The following OSBPL5 variants were observed in gnomAD, a reference collection of about 807,000 sequenced individuals.
OSBPL5 encodes the protein oxysterol binding protein like 5.
OSBPL5 carries 71 observed loss-of-function variants against 111.2 expected under a neutral mutation model. The ratio of observed to expected loss-of-function variants is 0.64; its 90% confidence interval spans 0.53 to 0.78. The LOEUF (loss-of-function observed/expected upper bound fraction) is 0.78. Ranked by LOEUF, OSBPL5 falls within the 30% of genes least tolerant of loss-of-function variation. The pLI is 0.00. For synonymous variants in OSBPL5, 549 were observed against 513.9 expected (o/e 1.07, Z -0.93); for missense variants, 1,210 against 1,189.3 (o/e 1.02, Z -0.26).
chr11:3,139,541 T>C (rs1468947385), intron 1 of OSBPL5, among the ~76,000 whole-genome samples: 1 of 152,154 alleles, frequency 6.6e-6, no homozygotes, highest in Non-Finnish European at 1.5e-5. Context: ...AGCAGGGGGC[T>C]TTAATCACCA....
intron 19 of OSBPL5, among the ~76,000 whole-genome samples, chr11:3,091,529 T>C (rs916771705): frequency 1.3e-5 from 2 of 150,148 alleles, no homozygotes; most frequent in African/African-American, 4.9e-5. Context: ...GCATTGGGGG[T>C]GGACATCTGC....
At chr11:3,159,356 G>A (rs893706726) in intron 1 of OSBPL5, among the ~76,000 whole-genome samples, 51 of 152,172 alleles carry the variant, frequency 3.4e-4, no homozygotes, top group Non-Finnish European at 1.5e-4. Flanking sequence ...GGGTAACGAG[G>A]CCTGGTACCT....
chr11:3,124,730 A>G (rs1404599436), intron 3 of OSBPL5, among the ~76,000 whole-genome samples: 2 of 152,080 alleles, frequency 1.3e-5, no homozygotes, highest in Non-Finnish European at 2.9e-5. Flanking sequence ...TGTGGCTTCC[A>G]CCAGGGGAGG....
intron 1 of OSBPL5, 33 bp from the exon 2 acceptor site, chr11:3,129,202 C>A (rs1012193079): frequency 3.7e-6 from 5 of 1,360,780 alleles, no homozygotes; most frequent in Non-Finnish European, 4.8e-6. Context: ...AGCAGGAGGT[C>A]ACCGCCCCGG....
chr11:3,103,888 ATTCCT>A (rs1857601331), intron 10 of OSBPL5, among the ~76,000 whole-genome samples: 1 of 102,940 alleles, frequency 9.7e-6, no homozygotes, highest in Non-Finnish European at 1.9e-5. Context: ...CTGTAGCCCC[ATTCCT>A]GCCTCTGCAG....
intron 1 of OSBPL5, among the ~76,000 whole-genome samples, chr11:3,138,271 T>C (rs1530582): frequency 0.63 from 95,584 of 152,156 alleles, 30,591 homozygotes; most frequent in Non-Finnish European, 0.69. Context: ...AGCCCTGGCA[T>C]GGGGGCGGGC....
In OSBPL5 at chr11:3,135,199, T is replaced by G. The variant is rs80062773; in HGVS notation, c.-21-6030A>C. ...TTGGCCTGGGTGGGTTCCCCTGAAC[T>G]GAGCTGTGCTGGGCTGGGCAGGGCC... is the stretch of plus-strand genomic sequence containing the variant. On this transcript the variant is annotated intron_variant, in intron 1 of 21. Transcript: ENST00000263650. 8.2e-3 allele frequency among the ~76,000 whole-genome samples: 1,253 copies of G among 152,302 alleles called. 20 individuals are homozygous for G. The highest frequency in any genetic ancestry group is 0.028 in the African/African-American group (1,171 of 41,558).
At position 3,109,941 on chromosome 11, in the gene OSBPL5, A is replaced by C. The variant is rs953701918; in HGVS notation, c.692-1996T>G. Among the ~76,000 whole-genome samples, 2 of 152,010 alleles carry C rather than the reference A, an allele frequency of 1.3e-5. No homozygotes were observed. The highest frequency in any genetic ancestry group is 2.9e-5 in the Non-Finnish European group (2 of 67,996). ...CCTCTCCTCCCGAATGGTGGCCCAC[A>C]CCCTATCAGGGGCTCAGCTCACACC... On this transcript the variant is annotated intron_variant, in intron 7 of 21. Transcript: ENST00000263650. This position sits in a 1 kb window ranked among gnomAD's most constrained non-coding sequence, Gnocchi z 7.4.
At chr11:3,128,870 C>T in intron 2 of OSBPL5, 143 bp downstream of exon 2, 1 of 802,506 alleles carries the variant, frequency 1.2e-6, no homozygotes, top group Non-Finnish European at 1.7e-6. Flanking sequence ...TACCAAGCTA[C>T]AAACCGTTTG....
chr11:3,088,162 A>G lies in OSBPL5; in HGVS notation c.*43T>C. 6.7e-7 allele frequency: 1 copy of G among 1,490,648 alleles called. No individual in the cohort carries two copies. The highest frequency in any genetic ancestry group is 9.0e-7 in the Non-Finnish European group (1 of 1,113,718). 92.3% of individuals were successfully genotyped at this position (1,490,648 alleles called of 1,614,324 possible). The stretch of plus-strand genomic sequence containing the variant: ...AGGCTTAAAGTGCTGGGTGCCTGGG[A>G]GGGAGGGCTCAGGACCGGCCAGGAG... On this transcript the variant is annotated 3_prime_UTR_variant, in exon 22 of 22. Coordinates refer to ENST00000263650, the MANE Select transcript of OSBPL5 (RefSeq NM_020896.4).
rs1858101639 is a variant in OSBPL5 at position 3,113,865 on chromosome 11, G to A, written c.691+5682C>T. 6.6e-6 allele frequency among the ~76,000 whole-genome samples: 1 copy of A among 152,140 alleles called. No individual in the cohort carries two copies. The highest frequency in any genetic ancestry group is 1.5e-5 in the Non-Finnish European group (1 of 68,018). On this transcript the variant is annotated intron_variant, in intron 7 of 21. Transcript: ENST00000263650. The surrounding 1 kb of genome is among the most constrained non-coding windows in gnomAD (Gnocchi z 4.8). ...TTGACCTATGCCCAGGAATGAACAA[G>A]GATAGCTTGAAGGTTAGAAACAAGA...
intron 1 of OSBPL5, among the ~76,000 whole-genome samples, chr11:3,131,121 T>G (rs969506391): frequency 1.3e-5 from 2 of 152,104 alleles, no homozygotes; most frequent in Non-Finnish European, 2.9e-5. Flanking sequence ...TGTCTGGCTG[T>G]CTGCTCCAGT....
chr11:3,112,155 C>T (rs1858018157), intron 7 of OSBPL5, among the ~76,000 whole-genome samples: 1 of 145,600 alleles, frequency 6.9e-6, no homozygotes, highest in Non-Finnish European at 1.5e-5. Flanking sequence ...ATTTAAGAGA[C>T]CTTCATGTTT....
rs988916142 is a variant in OSBPL5, at chr11:3,107,293, A to G, written c.1029T>C (p.Tyr343=). 6 of 1,613,108 alleles carry G rather than the reference A, an allele frequency of 3.7e-6. No homozygotes were observed. Among genetic ancestry groups the G allele is most frequent in the Non-Finnish European group, 4.2e-6 (5 of 1,179,844 alleles). Residue 343 remains tyrosine, a synonymous_variant, in exon 9 of 22, where the codon TAT becomes TAC. Coordinates refer to ENST00000263650, the MANE Select transcript of OSBPL5 (RefSeq NM_020896.4). This position sits in a 1 kb window ranked among gnomAD's most constrained non-coding sequence, Gnocchi z 6.1. ...CCAGCTCCTCCTGGACCTGCTCCAC[A>G]TAGGTGGTCCCTCTCCGCACCGGGG... is the stretch of plus-strand genomic sequence containing the variant. The part of the protein sequence containing the change: ...PGAPVRRGTT[Y]VEQVQEELGE...
At chr11:3,122,488 C>T (rs1858458676) in intron 3 of OSBPL5, 60 bp from the exon 4 acceptor site, 1 of 1,527,486 alleles carries the variant, frequency 6.5e-7, no homozygotes, top group African/African-American at 1.4e-5. Context: ...GGCTAGGAGC[C>T]CAGGTTGGCC....
chr11:3,103,774 A>AGCCTCTGCAGTCCCTTCCT (rs1238369440), intron 10 of OSBPL5, among the ~76,000 whole-genome samples: 1 of 27,800 alleles, frequency 3.6e-5, no homozygotes, highest in Non-Finnish European at 9.6e-5. Context: ...GCCCCCTTCC[A>AGCCTCTGCAGTCCCTTCCT]GCCTCTGCAG....
intron 15 of OSBPL5, 57 bp from the exon 16 acceptor site, chr11:3,093,892 C>T: frequency 6.4e-7 from 1 of 1,554,264 alleles, no homozygotes; most frequent in Non-Finnish European, 8.7e-7. Context: ...CCTCCAGAAT[C>T]ACATCCTCAT....
At chr11:3,156,816 C>T (rs536673246) in intron 1 of OSBPL5, among the ~76,000 whole-genome samples, 3 of 152,370 alleles carry the variant, frequency 2.0e-5, no homozygotes, top group Admixed American at 1.3e-4. Context: ...TGAGCTGGCT[C>T]ATGCTCCCAC....
chr11:3,130,800 G>A lies in OSBPL5; in HGVS notation c.-21-1631C>T, dbSNP rs1261812370. ...TCAGCCAACCTGCCGCAGGGAAGCA[G>A]GCAGATGGGAAGTCCTGCCCCTACT... is the stretch of plus-strand genomic sequence containing the variant. On this transcript the variant is annotated intron_variant, in intron 1 of 21. Transcript: ENST00000263650. The surrounding 1 kb of genome is among the most constrained non-coding windows in gnomAD (Gnocchi z 4.5). Among the ~76,000 whole-genome samples, 2 of 152,200 alleles carry A rather than the reference G, an allele frequency of 1.3e-5. No individual in the cohort carries two copies. The highest frequency in any genetic ancestry group is 4.8e-5 in the African/African-American group (2 of 41,456).
Sources: allele counts gnomAD v4.1 joint callset (sites outside exome capture counted in the v4.1 genomes callset), GRCh38; gene constraint gnomAD v4.1.1; non-coding constraint Gnocchi (gnomAD v3.1); transcripts MANE v1.5; gene names NCBI Gene and HGNC (gene_info 2026-07-23, HGNC 2026-07-21).